The following LUC7L2 variants were observed in gnomAD, a reference collection of about 807,000 sequenced individuals.
LUC7L2 encodes LUC7 like 2, pre-mRNA splicing factor.
Under a neutral mutation model 52.8 loss-of-function variants are expected in LUC7L2, and 25 were observed. The ratio of observed to expected loss-of-function variants is 0.47; its 90% CI spans 0.34 to 0.66. The LOEUF is 0.66. Among genes scored for constraint, LUC7L2 ranks in the 30% least tolerant of loss-of-function variants. LUC7L2 has a pLI of 0.01. For missense variants in LUC7L2, 328 were observed against 497.8 expected, an observed-to-expected ratio of 0.66 and a Z score of 3.25; for synonymous variants, 144 against 160.9, an observed-to-expected ratio of 0.89 and a Z score of 0.80.
chr7:139,419,132 A>AACAAAC (rs58727855), intron 9 of LUC7L2, among the ~76,000 whole-genome samples: 4 of 150,102 alleles, frequency 2.7e-5, no homozygotes, highest in African/African-American at 9.8e-5. Context: ...AAAACAAACA[A>AACAAAC]AAAAAAAAAC....
chr7:139,387,375 A>G (rs1034725406), intron 2 of LUC7L2, among the ~76,000 whole-genome samples: 1 of 151,648 alleles, frequency 6.6e-6, no homozygotes, highest in African/African-American at 2.4e-5. Flanking sequence ...TCGTATATTC[A>G]GTAGAGACAC....
intron 8 of LUC7L2, chr7:139,416,316 G>A (rs537317981): frequency 5.9e-5 from 9 of 151,702 alleles, no homozygotes; most frequent in African/African-American, 2.2e-4. Context: ...CCTGGTGGAG[G>A]CTATAAAAGT....
intron 1 of LUC7L2, among the ~76,000 whole-genome samples, chr7:139,350,567 G>A (rs1799422212): frequency 6.6e-6 from 1 of 151,726 alleles, no homozygotes; most frequent in African/African-American, 2.4e-5. Flanking sequence ...TGACCTTCAG[G>A]ACACCAAACC....
intron 1 of LUC7L2, chr7:139,371,433 A>T: frequency 6.6e-7 from 1 of 1,513,254 alleles, no homozygotes; most frequent in Non-Finnish European, 9.0e-7. Flanking sequence ...CTCACAGCTT[A>T]AAAAAATACA....
intron 7 of LUC7L2, 53 bp downstream of exon 7, chr7:139,409,707 G>T: frequency 6.7e-7 from 1 of 1,498,314 alleles, no homozygotes; most frequent in South Asian, 1.4e-5. Flanking sequence ...GTTCTAAAAA[G>T]AGATATAATT....
intron 1 of LUC7L2, among the ~76,000 whole-genome samples, chr7:139,343,566 C>G (rs1249209603): frequency 6.6e-6 from 1 of 152,076 alleles, no homozygotes; most frequent in Non-Finnish European, 1.5e-5. Context: ...GGCCACGGAG[C>G]GAGACCCTGT....
chr7:139,367,489 GT>G (rs1800222996), intron 1 of LUC7L2, among the ~76,000 whole-genome samples: 1 of 152,164 alleles, frequency 6.6e-6, no homozygotes, highest in Admixed American at 6.6e-5. Flanking sequence ...AACAAGTACT[GT>G]TGCAAAATGG....
At chr7:139,344,480 A>G (rs986736745) in intron 1 of LUC7L2, among the ~76,000 whole-genome samples, 10 of 152,210 alleles carry the variant, frequency 6.6e-5, no homozygotes, top group Admixed American at 3.3e-4. Context: ...ATGACAAAAC[A>G]TATGTTTGGT....
Position 139,340,493 on chromosome 7 carries a change from C to T in LUC7L2, c.-50C>T, listed in dbSNP as rs1207759347. ...AAGCGTGCGCGCGCCCGTTCAACGTCCGGAGCATCGGTGCAGTTTCGAGGG... is the reference window on the plus strand; with the variant it reads ...AAGCGTGCGCGCGCCCGTTCAACGTTCGGAGCATCGGTGCAGTTTCGAGGG... On this transcript the variant is annotated 5_prime_UTR_variant, in exon 1 of 11. Coordinates refer to the LUC7L2 transcript ENST00000541170. 8 of 398,560 alleles carry T rather than the reference C, an allele frequency of 2.0e-5. No homozygotes were observed. The South Asian group carries it at 5.1e-4, about 25-fold the overall frequency. The allele number at this position is 398,560 out of a possible 1,614,324, so 24.7% of individuals were successfully genotyped here.
chr7:139,396,544 C>A (rs1794670307), intron 2 of LUC7L2, among the ~76,000 whole-genome samples: 1 of 152,188 alleles, frequency 6.6e-6, no homozygotes, highest in African/African-American at 2.4e-5. Context: ...ATGAAAAATT[C>A]CTCAGTTGAT....
Position 139,387,351 on chromosome 7 carries a change from G to T in LUC7L2, c.156+11195G>T, listed in dbSNP as rs191422174. Among the ~76,000 whole-genome samples, 26 of 151,812 alleles carry T rather than the reference G, an allele frequency of 1.7e-4. 1 individual carries two copies. The highest frequency in any genetic ancestry group is 6.0e-4 in the African/African-American group (25 of 41,364). ...TGGGACTGCAGGCGCCTGCCACCACGCCTGGCTATTTTTTCGTATATTCAG... is the reference window on the plus strand; with the variant it reads ...TGGGACTGCAGGCGCCTGCCACCACTCCTGGCTATTTTTTCGTATATTCAG... On this transcript the variant is annotated intron_variant, in intron 2 of 9. Coordinates refer to ENST00000354926, the MANE Select transcript of LUC7L2 (RefSeq NM_016019.5).
rs1254226432 is a variant in LUC7L2 at position 139,360,202 on chromosome 7, C to T, written c.-60C>T. On this transcript the variant is annotated 5_prime_UTR_variant, in exon 1 of 10. Coordinates refer to ENST00000354926, the MANE Select transcript of LUC7L2 (RefSeq NM_016019.5). ...TCCCCCATCCCTTCCCCTTATCCCCCAGCCCAAAAGGGCCCGGTCTGCGCC... is the reference window on the plus strand; with the variant it reads ...TCCCCCATCCCTTCCCCTTATCCCCTAGCCCAAAAGGGCCCGGTCTGCGCC... 7.3e-7 allele frequency: 1 copy of T among 1,376,252 alleles called. No individual in the cohort carries two copies. Among genetic ancestry groups the T allele is most frequent in the African/African-American group, 1.4e-5 (1 of 68,982 alleles). 85.3% of individuals were successfully genotyped at this position (1,376,252 alleles called of 1,614,324 possible).
chr7:139,402,202 AT>A lies in LUC7L2; in HGVS notation c.323del (p.Leu108Ter). 1 of 1,610,870 alleles carries A rather than the reference AT, an allele frequency of 6.2e-7. No individual in the cohort carries two copies. Among genetic ancestry groups the A allele is most frequent in the Non-Finnish European group, 8.5e-7 (1 of 1,178,824 alleles). ...GTAGAACAGAAGTGGCCAAGAAAAGATTAGCAGAAACTCAAGAAGAGATTAG... is the reference window on the plus strand; with the variant it reads ...GTAGAACAGAAGTGGCCAAGAAAAGATAGCAGAAACTCAAGAAGAGATTAG... ...DRRTEVAKKR[L>X]AETQEEISAE... On this transcript the variant is annotated frameshift_variant, in exon 4 of 10. Transcript: ENST00000354926. LOFTEE classifies it high-confidence loss of function.
chr7:139,340,611 T>A, intron 1 of LUC7L2: 1 of 397,022 alleles, frequency 2.5e-6, no homozygotes, highest in Non-Finnish European at 4.4e-6. Flanking sequence ...TGTGGTTTCG[T>A]GGGATAGGGT....
At chr7:139,396,766 G>C (rs1180710095) in intron 2 of LUC7L2, among the ~76,000 whole-genome samples, 1 of 152,130 alleles carries the variant, frequency 6.6e-6, no homozygotes, top group Non-Finnish European at 1.5e-5. Flanking sequence ...TCCTCTTTGA[G>C]TTAGTTTTAG....
upstream of LUC7L2, among the ~76,000 whole-genome samples, chr7:139,356,314 CAAAAAAAAAAAAAAAAAA>C (rs10524961): frequency 4.8e-5 from 4 of 82,884 alleles, no homozygotes; most frequent in Non-Finnish European, 9.9e-5. Context: ...GACCCTATCT[CAAAAAAAAAAAAAAAAAA>C]AAAAAAAAAA....
chr7:139,374,584 A>G, intron 1 of LUC7L2: 2 of 1,532,940 alleles, frequency 1.3e-6, no homozygotes, highest in Admixed American at 2.0e-5. Flanking sequence ...AGGCGTAAAC[A>G]CTAAACTGAA....
At position 139,348,104 on chromosome 7, in the gene LUC7L2, G is replaced by A. The variant is rs547479236; in HGVS notation, c.-26+7587G>A. 5.9e-5 allele frequency among the ~76,000 whole-genome samples: 9 copies of A among 152,102 alleles called. No individual in the cohort carries two copies. The South Asian group carries it at 1.2e-3, about 21-fold the overall frequency. The stretch of plus-strand genomic sequence containing the variant: ...TGAAGAAAGCAAAAGGGTGAGGATA[G>A]GTTAATGTTTTGATTTCCTTTGTTG... On this transcript the variant is annotated intron_variant, in intron 1 of 10. Transcript: ENST00000541170.
chr7:139,359,766 G>T, upstream of LUC7L2: 1 of 400,958 alleles, frequency 2.5e-6, no homozygotes, highest in East Asian at 3.6e-5. Flanking sequence ...GGGGCGGGAG[G>T]AGCGCGCGTG....
Sources: allele counts gnomAD v4.1 joint callset (sites outside exome capture counted in the v4.1 genomes callset), GRCh38; gene constraint gnomAD v4.1.1; transcripts MANE v1.5; gene names NCBI Gene and HGNC (gene_info 2026-07-23, HGNC 2026-07-21).